STK32B: variants seen among roughly 807,000 people sequenced by gnomAD.
STK32B encodes the protein serine/threonine-protein kinase 32B.
Under a neutral mutation model 52.6 loss-of-function variants are expected in STK32B, and 43 were observed. The ratio of observed to expected loss-of-function variants is 0.82; its 90% CI spans 0.64 to 1.05. The LOEUF (loss-of-function observed/expected upper bound fraction) is 1.05. Ranked by LOEUF, STK32B falls within the 50% of genes least tolerant of loss-of-function variation. STK32B has a pLI of 0.00. For synonymous variants in STK32B, 238 were observed against 204.3 expected, an observed-to-expected ratio of 1.17 and a Z score of -1.41; for missense variants, 621 against 534.6, an observed-to-expected ratio of 1.16 and a Z score of -1.59.
chr4:5,323,762 A>C (rs989877993), intron 3 of STK32B, among the ~76,000 whole-genome samples: 1 of 152,128 alleles, frequency 6.6e-6, no homozygotes, highest in Non-Finnish European at 1.5e-5. Context: ...TGCTAAATGC[A>C]GGGGATGGTG....
chr4:5,373,988 G>A (rs1324613154), intron 4 of STK32B, among the ~76,000 whole-genome samples: 1 of 152,186 alleles, frequency 6.6e-6, no homozygotes, highest in Non-Finnish European at 1.5e-5. Context: ...TAAGAATAAG[G>A]ATGAGGTCAT....
intron 1 of STK32B, among the ~76,000 whole-genome samples, chr4:5,107,901 T>A (rs1714193998): frequency 6.6e-6 from 1 of 152,228 alleles, no homozygotes; most frequent in South Asian, 2.1e-4. Context: ...AAATGTTTAT[T>A]AAAACGTAGC....
At chr4:5,466,496 G>C (rs1717443064) in intron 9 of STK32B, among the ~76,000 whole-genome samples, 1 of 152,194 alleles carries the variant, frequency 6.6e-6, no homozygotes, top group Non-Finnish European at 1.5e-5. Flanking sequence ...GGTTGCCCCA[G>C]GGGGACTATG....
intron 1 of STK32B, among the ~76,000 whole-genome samples, chr4:5,065,726 TA>T (rs2108762552): frequency 6.6e-6 from 1 of 152,254 alleles, no homozygotes; most frequent in African/African-American, 2.4e-5. Flanking sequence ...AGTGACTCAG[TA>T]ATTTTTTTTG....
chr4:5,230,208 T>TTTTTTTTTTTTG (rs58022709), intron 3 of STK32B, among the ~76,000 whole-genome samples: 60 of 103,482 alleles, frequency 5.8e-4, no homozygotes, highest in Admixed American at 1.1e-3. Flanking sequence ...TTTTTTTTTT[T>TTTTTTTTTTTTG]TAGTGGAGTC....
At chr4:5,155,433 G>GCA (rs1717739886) in intron 2 of STK32B, among the ~76,000 whole-genome samples, 1 of 152,046 alleles carries the variant, frequency 6.6e-6, no homozygotes, top group African/African-American at 2.4e-5. Flanking sequence ...CAGTATACAT[G>GCA]CACACACACA....
the STK32B span, among the ~76,000 whole-genome samples, chr4:5,039,946 T>C: frequency 6.6e-6 from 1 of 152,174 alleles, no homozygotes; most frequent in Non-Finnish European, 1.5e-5. Context: ...GCGGTCCAGG[T>C]CAGGTAGGCC....
intron 4 of STK32B, among the ~76,000 whole-genome samples, chr4:5,341,949 A>T (rs1733110288): frequency 6.6e-6 from 1 of 152,022 alleles, no homozygotes; most frequent in South Asian, 2.1e-4. Flanking sequence ...GCATCCATTA[A>T]CTCATCATTT....
At chr4:5,216,441 A>G (rs773778747) in intron 3 of STK32B, among the ~76,000 whole-genome samples, 2 of 152,220 alleles carry the variant, frequency 1.3e-5, no homozygotes, top group Non-Finnish European at 2.9e-5. Context: ...GTTATGACAA[A>G]CAGCAGTTGA....
intron 4 of STK32B, among the ~76,000 whole-genome samples, chr4:5,334,257 CT>C (rs1732474327): frequency 6.6e-6 from 1 of 151,940 alleles, no homozygotes; most frequent in South Asian, 2.1e-4. Context: ...TGGGAATTCA[CT>C]CATGATTTGG....
intron 1 of STK32B, among the ~76,000 whole-genome samples, chr4:5,121,188 CATTCTTGAATTACTTCA>C (rs1460772834): frequency 6.6e-6 from 1 of 152,174 alleles, no homozygotes; most frequent in Non-Finnish European, 1.5e-5. Context: ...TTTGGTTTTC[CATTCTTGAATTACTTCA>C]AATAATGGCC....
intron 5 of STK32B, among the ~76,000 whole-genome samples, chr4:5,409,085 C>T (rs761723315): frequency 1.3e-5 from 2 of 152,126 alleles, no homozygotes; most frequent in Non-Finnish European, 2.9e-5. Context: ...CCTGCCCCAG[C>T]GAACTCCTCC....
rs150424767 is a variant in STK32B at position 5,280,480 on chromosome 4, G to A, written c.261-50740G>A. Among the ~76,000 whole-genome samples, 129 of 152,202 alleles carry A rather than the reference G, an allele frequency of 8.5e-4. 1 individual carries two copies. The highest frequency in any genetic ancestry group is 3.0e-3 in the African/African-American group (123 of 41,532). Reference sequence around the variant, plus strand: ...TGTCTTCTTCTGATCCCTCCAAACTGTTGTAAACTCTTCCCATTTTGCAGT... The same window carrying A: ...TGTCTTCTTCTGATCCCTCCAAACTATTGTAAACTCTTCCCATTTTGCAGT... On this transcript the variant is annotated intron_variant, in intron 3 of 11. Transcript: ENST00000282908.
At chr4:5,112,308 T>C (rs1016382341) in intron 1 of STK32B, among the ~76,000 whole-genome samples, 2 of 152,132 alleles carry the variant, frequency 1.3e-5, no homozygotes, top group Non-Finnish European at 2.9e-5. Context: ...AGAGATTTAT[T>C]ATAAGGAATT....
At chr4:5,316,187 A>AT (rs1730683265) in intron 3 of STK32B, among the ~76,000 whole-genome samples, 23 of 101,206 alleles carry the variant, frequency 2.3e-4, no homozygotes, top group African/African-American at 5.3e-4. Flanking sequence ...AACTAAATAT[A>AT]TATATTTAGA....
At chr4:5,403,300 A>G (rs1015994448) in intron 5 of STK32B, among the ~76,000 whole-genome samples, 1 of 152,176 alleles carries the variant, frequency 6.6e-6, no homozygotes, top group African/African-American at 2.4e-5. Flanking sequence ...GTACCAGACA[A>G]CTAGAGACAG....
chr4:5,446,117 A>G (rs1715395597), intron 6 of STK32B, among the ~76,000 whole-genome samples: 2 of 152,230 alleles, frequency 1.3e-5, no homozygotes, highest in African/African-American at 2.4e-5. Flanking sequence ...CGGCCCTTCC[A>G]TGCCCCCTCA....
chr4:5,073,766 T>A (rs972006910), intron 1 of STK32B, among the ~76,000 whole-genome samples: 7 of 152,074 alleles, frequency 4.6e-5, no homozygotes, highest in South Asian at 2.1e-4. Flanking sequence ...CAGTTGACTT[T>A]TTTATTTATT....
upstream of STK32B, among the ~76,000 whole-genome samples, chr4:5,049,790 T>C (rs1457897194): frequency 1.3e-5 from 2 of 152,126 alleles, no homozygotes; most frequent in Non-Finnish European, 2.9e-5. Flanking sequence ...TTTCTCCATA[T>C]TGGCCAGGCT....
Sources: allele counts gnomAD v4.1 joint callset (sites outside exome capture counted in the v4.1 genomes callset), GRCh38; gene constraint gnomAD v4.1.1; transcripts MANE v1.5; gene names NCBI Gene and HGNC (gene_info 2026-07-23, HGNC 2026-07-21).